The following WWOX variants were observed in gnomAD, a reference collection of about 807,000 sequenced individuals.
WWOX encodes the protein WW domain containing oxidoreductase.
WWOX carries 69 observed loss-of-function variants against 46.2 expected under a neutral mutation model. The ratio of observed to expected loss-of-function variants is 1.49; its 90% CI spans 1.23 to 1.82. The LOEUF (loss-of-function observed/expected upper bound fraction) is 1.82, where lower values mean the gene tolerates loss of function less well. Ranked by LOEUF, WWOX falls within the 40% of genes most tolerant of loss-of-function variation. The pLI is 0.00. For synonymous variants in WWOX, 359 were observed against 202.6 expected, an observed-to-expected ratio of 1.77 and a Z score of -6.56; for missense variants, 919 against 542.6, an observed-to-expected ratio of 1.69 and a Z score of -6.89.
intron 8 of WWOX, among the ~76,000 whole-genome samples, chr16:78,760,768 G>A (rs1026123980): frequency 6.6e-6 from 1 of 152,168 alleles, no homozygotes; most frequent in African/African-American, 2.4e-5. Flanking sequence ...ATTACAGGCT[G>A]CATTAGTCTG....
chr16:79,175,508 A>G (rs997918837), intron 8 of WWOX, among the ~76,000 whole-genome samples: 2 of 152,122 alleles, frequency 1.3e-5, no homozygotes, highest in African/African-American at 4.8e-5. Context: ...AGCTCCGTGG[A>G]TATTACTAGG....
intron 8 of WWOX, among the ~76,000 whole-genome samples, chr16:78,693,762 G>T (rs530149892): frequency 4.5e-4 from 69 of 152,266 alleles, no homozygotes; most frequent in Non-Finnish European, 7.2e-4. Context: ...CTCTAAACAT[G>T]CGCAGCCCCA....
rs538786062 is a variant in WWOX at position 78,325,749 on chromosome 16, A to G, written c.517-61111A>G. On this transcript the variant is annotated intron_variant, in intron 5 of 8. Coordinates refer to ENST00000566780, the MANE Select transcript of WWOX (RefSeq NM_016373.4). The stretch of plus-strand genomic sequence containing the variant: ...CTGTAACCTGAGTGACTGCTGATAT[A>G]TTAGCCTTGCAGGCAAGGAAGCAAG... Among the ~76,000 whole-genome samples the G allele has an allele frequency of 1.2e-4, 18 of 152,354 alleles. 1 individual carries two copies. Among genetic ancestry groups the G allele is most frequent in the Non-Finnish European group, 1.8e-4 (12 of 68,034 alleles).
chr16:78,597,857 G>C (rs980180186), intron 8 of WWOX, among the ~76,000 whole-genome samples: 1 of 150,608 alleles, frequency 6.6e-6, no homozygotes, highest in African/African-American at 2.4e-5. Context: ...GAAATTTCTA[G>C]TTGTGTTTAT....
intron 5 of WWOX, among the ~76,000 whole-genome samples, chr16:78,332,287 T>G (rs2080777024): frequency 6.6e-6 from 1 of 152,208 alleles, no homozygotes; most frequent in Non-Finnish European, 1.5e-5. Context: ...GCTTCCGCAT[T>G]TCTAAAATCC....
intron 8 of WWOX, among the ~76,000 whole-genome samples, chr16:78,783,180 T>C (rs560697390): frequency 1.3e-5 from 2 of 152,392 alleles, no homozygotes; most frequent in South Asian, 4.1e-4. Context: ...TCATTTATAA[T>C]GGCTGCCTGA....
At chr16:78,561,987 G>A (rs1005713813) in intron 8 of WWOX, among the ~76,000 whole-genome samples, 1 of 152,204 alleles carries the variant, frequency 6.6e-6, no homozygotes, top group African/African-American at 2.4e-5. Context: ...CTAACAATGG[G>A]TTGACATTCA....
intron 8 of WWOX, among the ~76,000 whole-genome samples, chr16:78,949,977 T>C (rs936209764): frequency 5.9e-5 from 9 of 152,224 alleles, no homozygotes; most frequent in African/African-American, 1.9e-4. Flanking sequence ...AACCTAGCTA[T>C]AATACTCCCA....
intron 8 of WWOX, among the ~76,000 whole-genome samples, chr16:78,997,631 T>G (rs376301835): frequency 2.6e-5 from 4 of 152,090 alleles, no homozygotes; most frequent in African/African-American, 9.7e-5. Context: ...TATGGTGAAT[T>G]TGCACTAGTA....
intron 8 of WWOX, among the ~76,000 whole-genome samples, chr16:78,469,052 A>G (rs2084156738): frequency 6.6e-6 from 1 of 152,210 alleles, no homozygotes; most frequent in South Asian, 2.1e-4. Flanking sequence ...ATTTTGTTGT[A>G]ACACCTGTTC....
intron 8 of WWOX, among the ~76,000 whole-genome samples, chr16:79,053,967 C>G (rs1400185348): frequency 2.0e-5 from 3 of 148,868 alleles, no homozygotes; most frequent in African/African-American, 7.4e-5. Context: ...TCTCCTTTTT[C>G]TGCTGTTATT....
chr16:79,197,701 G>C (rs548698450), intron 8 of WWOX, among the ~76,000 whole-genome samples: 197 of 152,246 alleles, frequency 1.3e-3, no homozygotes, highest in African/African-American at 4.4e-3. Flanking sequence ...ATATTGCTTG[G>C]TAATTTATTT....
chr16:78,934,926 C>G lies in WWOX; in HGVS notation c.1057-276682C>G, dbSNP rs933730576. Among the ~76,000 whole-genome samples, 4 of 152,072 alleles carry G rather than the reference C, an allele frequency of 2.6e-5. No homozygotes were observed. In the South Asian group the frequency reaches 6.2e-4, roughly 24 times the overall value. On this transcript the variant is annotated intron_variant, in intron 8 of 8. Transcript: ENST00000566780. ...ACCAGCCTGAGCAACATGGTGAAAC[C>G]CCATCTCTACAAAGAATACAAACAT...
At chr16:78,730,115 A>C (rs952863174) in intron 8 of WWOX, among the ~76,000 whole-genome samples, 5 of 152,284 alleles carry the variant, frequency 3.3e-5, no homozygotes, top group East Asian at 1.9e-4. Flanking sequence ...TAAACGCTTA[A>C]GGATTCCTTA....
At chr16:78,372,451 C>T (rs1785209403) in intron 5 of WWOX, among the ~76,000 whole-genome samples, 1 of 152,138 alleles carries the variant, frequency 6.6e-6, no homozygotes, top group Non-Finnish European at 1.5e-5. Flanking sequence ...GAATGAGAAA[C>T]ATGTTGCTCC....
chr16:78,700,134 G>A (rs1263169558), intron 8 of WWOX, among the ~76,000 whole-genome samples: 1 of 151,594 alleles, frequency 6.6e-6, no homozygotes. Context: ...GACTGTCTTA[G>A]TCAGTCCAGG....
intron 8 of WWOX, among the ~76,000 whole-genome samples, chr16:79,076,126 C>G (rs1479847150): frequency 2.0e-5 from 3 of 152,260 alleles, no homozygotes; most frequent in Middle Eastern, 6.8e-3. Flanking sequence ...GTAAGACCAG[C>G]CTACGCTGAG....
chr16:79,000,230 C>A (rs55995798), intron 8 of WWOX, among the ~76,000 whole-genome samples: 1 of 152,126 alleles, frequency 6.6e-6, no homozygotes, highest in Non-Finnish European at 1.5e-5. Flanking sequence ...TCAGAAGGTT[C>A]CAGCTTTGCC....
At chr16:78,844,762 T>C (rs1567599566) in intron 8 of WWOX, among the ~76,000 whole-genome samples, 1 of 152,222 alleles carries the variant, frequency 6.6e-6, no homozygotes, top group African/African-American at 2.4e-5. Flanking sequence ...GCCATCCTCC[T>C]TTTTTAGTCT....
Sources: allele counts gnomAD v4.1 joint callset (sites outside exome capture counted in the v4.1 genomes callset), GRCh38; gene constraint gnomAD v4.1.1; transcripts MANE v1.5; gene names NCBI Gene and HGNC (gene_info 2026-07-23, HGNC 2026-07-21).